PTK7: variants seen among roughly 807,000 people sequenced by gnomAD.
PTK7 encodes the protein protein tyrosine kinase 7 (inactive), also known as inactive tyrosine-protein kinase 7.
In PTK7, 39 loss-of-function variants were observed where a neutral mutation model predicts 116.6. The observed-to-expected ratio is 0.33, with a 90% CI of 0.26 to 0.44. The LOEUF (loss-of-function observed/expected upper bound fraction) is 0.44, where lower values mean the gene tolerates loss of function less well. Among genes scored for constraint, PTK7 ranks in the 20% least tolerant of loss-of-function variants. The pLI is 1.00. For synonymous variants in PTK7, 546 were observed against 563.6 expected (o/e 0.97, Z 0.44); for missense variants, 1,169 against 1,425.6 (o/e 0.82, Z 2.90).
At position 43,143,257 on chromosome 6, in the gene PTK7, G is replaced by A; in HGVS notation, c.2048-160G>A. On this transcript the variant is annotated intron_variant, in intron 13 of 19. Coordinates refer to ENST00000230419, the MANE Select transcript of PTK7 (RefSeq NM_002821.5). This position sits in a 1 kb window ranked among gnomAD's most constrained non-coding sequence, Gnocchi z 4.2. ...AGAGTCTTCGTTTGACCTTGGTGGGGCATGAGGACCTGCTGGCCCTTGTTA... is the reference window on the plus strand; with the variant it reads ...AGAGTCTTCGTTTGACCTTGGTGGGACATGAGGACCTGCTGGCCCTTGTTA... The A allele has an allele frequency of 1.5e-6, 1 of 651,762 alleles. No individual in the cohort carries two copies. The highest frequency in any genetic ancestry group is 2.6e-6 in the Non-Finnish European group (1 of 382,214). The allele number at this position is 651,762 out of a possible 1,614,324, so 40.4% of individuals were successfully genotyped here. A position where few individuals can be genotyped will look rare whatever the true frequency, so the allele number is the denominator to read the frequency against.
At chr6:43,158,312 A>AAAAAGT in intron 17 of PTK7, among the ~76,000 whole-genome samples, 1 of 151,942 alleles carries the variant, frequency 6.6e-6, no homozygotes, top group Non-Finnish European at 1.5e-5. Context: ...AGAAAAAAAA[A>AAAAAGT]AAAAGTAAGC....
intron 1 of PTK7, among the ~76,000 whole-genome samples, chr6:43,113,779 C>T (rs1459623524): frequency 7.2e-5 from 11 of 152,134 alleles, no homozygotes; most frequent in Admixed American, 4.6e-4. Flanking sequence ...AACAGTACGG[C>T]GCATTTATCT....
At chr6:43,122,783 T>G (rs1029134956) in intron 1 of PTK7, among the ~76,000 whole-genome samples, 8 of 152,038 alleles carry the variant, frequency 5.3e-5, no homozygotes. Context: ...ATTTTTGTAT[T>G]TTTAGTAGAT....
intron 1 of PTK7, among the ~76,000 whole-genome samples, chr6:43,106,583 G>A (rs1349480470): frequency 2.0e-5 from 3 of 150,862 alleles, no homozygotes; most frequent in East Asian, 2.0e-4. Flanking sequence ...GCAGGCATGA[G>A]CCACCACACC....
In PTK7 at chr6:43,156,175, G is replaced by A. The variant is rs545234978; in HGVS notation, c.2722-2642G>A. ...ACTTGGGAGGCAGAGGTTGCAGTGAGCTGAGGTCATGCCACTGTACTCCAG... is the reference window on the plus strand; with the variant it reads ...ACTTGGGAGGCAGAGGTTGCAGTGAACTGAGGTCATGCCACTGTACTCCAG... On this transcript the variant is annotated intron_variant, in intron 17 of 19. Coordinates refer to ENST00000230419, the MANE Select transcript of PTK7 (RefSeq NM_002821.5). 2.6e-3 allele frequency among the ~76,000 whole-genome samples: 369 copies of A among 140,034 alleles called. 2 individuals carry two copies. Among genetic ancestry groups the A allele is most frequent in the Middle Eastern group, 4.8e-3 (1 of 208 alleles). The allele number at this position is 140,034 out of a possible 152,430, so 91.9% of individuals were successfully genotyped here.
At position 43,161,050 on chromosome 6, in the gene PTK7, C is replaced by G. The variant is rs1337891806; in HGVS notation, c.*169C>G. 9.8e-7 allele frequency: 1 copy of G among 1,019,340 alleles called. No individual in the cohort carries two copies. The highest frequency in any genetic ancestry group is 2.9e-5 in the Admixed American group (1 of 34,202). The allele number at this position is 1,019,340 out of a possible 1,614,324, so 63.1% of individuals were successfully genotyped here. On this transcript the variant is annotated 3_prime_UTR_variant, in exon 20 of 20. Coordinates refer to ENST00000230419, the MANE Select transcript of PTK7 (RefSeq NM_002821.5). ...CTGGCCTTTCCTCCTCTTCCTCACC[C>G]TCATCCTTTGGGAGGCTGACTTGGA...
At chr6:43,100,760 G>T (rs1054964378) in intron 1 of PTK7, among the ~76,000 whole-genome samples, 2 of 152,136 alleles carry the variant, frequency 1.3e-5, no homozygotes, top group African/African-American at 4.8e-5. Context: ...GTGGTTACCA[G>T]AGAACTACCA....
In PTK7 at chr6:43,148,549, G is replaced by A. The variant is rs116662604; in HGVS notation, c.2721+1851G>A. On this transcript the variant is annotated intron_variant, in intron 17 of 19. Transcript: ENST00000230419. ...TCAAGAGTCAGGGGAGTCAAGGTGG[G>A]ATTCTCTGGCTGGGATGAGACATAG... Among the ~76,000 whole-genome samples, 717 of 152,272 alleles carry A rather than the reference G, an allele frequency of 4.7e-3. 4 individuals carry two copies. Among genetic ancestry groups the A allele is most frequent in the Middle Eastern group, 0.024 (7 of 294 alleles).
chr6:43,108,318 C>T (rs1178225874), intron 1 of PTK7, among the ~76,000 whole-genome samples: 1 of 151,350 alleles, frequency 6.6e-6, no homozygotes, highest in Non-Finnish European at 1.5e-5. Flanking sequence ...TGGTCACAAA[C>T]TTCTGACCTC....
chr6:43,157,243 C>T (rs1240953356), intron 17 of PTK7, among the ~76,000 whole-genome samples: 1 of 142,572 alleles, frequency 7.0e-6, no homozygotes, highest in African/African-American at 2.6e-5. Flanking sequence ...CCTCCAGTTC[C>T]GTTCCTTGGA....
chr6:43,144,874 C>T (rs1207396947), intron 15 of PTK7: 1 of 422,880 alleles, frequency 2.4e-6, no homozygotes, highest in Non-Finnish European at 4.1e-6. Context: ...AACTAAGTTA[C>T]CATTGTTCTA....
chr6:43,123,811 G>T (rs1017568118), intron 1 of PTK7, among the ~76,000 whole-genome samples: 14 of 152,182 alleles, frequency 9.2e-5, no homozygotes, highest in African/African-American at 3.1e-4. Context: ...GCCCGGTACG[G>T]CAGGCTCATA....
In PTK7 at chr6:43,160,862, C is replaced by A. The variant is rs764212674; in HGVS notation, c.3194C>A (p.Thr1065Asn). The change falls in exon 20 of 20, where the codon ACC becomes AAC. Residue 1065 changes from threonine to asparagine, a missense_variant. Transcript: ENST00000230419. ...ATTGCCAGCGCCCTGGGAGACAGCA[C>A]CGTGGACAGCAAGCCGTGAGGAGGG... ...SEIASALGDS[T>N]VDSKP 1 of 1,614,026 alleles carries A rather than the reference C, an allele frequency of 6.2e-7. No homozygotes were observed. The highest frequency in any genetic ancestry group is 8.5e-7 in the Non-Finnish European group (1 of 1,180,018).
In PTK7 at chr6:43,121,655, G is replaced by C. The variant is rs1296439054; in HGVS notation, c.80-7322G>C. The stretch of plus-strand genomic sequence containing the variant: ...TATGCTCTGGGCTCACCATCAGACA[G>C]TCTGGGTTGCTTGCACTGAAACCAC... On this transcript the variant is annotated intron_variant, in intron 1 of 19. Coordinates refer to ENST00000230419, the MANE Select transcript of PTK7 (RefSeq NM_002821.5). 2.0e-5 allele frequency among the ~76,000 whole-genome samples: 3 copies of C among 152,228 alleles called. 1 individual carries two copies. Among genetic ancestry groups the C allele is most frequent in the South Asian group, 4.1e-4 (2 of 4,836 alleles).
chr6:43,130,729 C>T (rs1267235461), intron 5 of PTK7, 68 bp downstream of exon 5: 14 of 1,547,664 alleles, frequency 9.0e-6, no homozygotes, highest in Admixed American at 5.1e-5. Flanking sequence ...GAAGGGGGTG[C>T]GATTTGTATC....
At chr6:43,156,088 G>A (rs1216615972) in intron 17 of PTK7, among the ~76,000 whole-genome samples, 2 of 151,758 alleles carry the variant, frequency 1.3e-5, no homozygotes, top group African/African-American at 2.4e-5. Context: ...AATTAGCTGG[G>A]TGTCATGGTG....
chr6:43,078,263 G>A (rs1582041795), intron 1 of PTK7, among the ~76,000 whole-genome samples: 1 of 151,770 alleles, frequency 6.6e-6, no homozygotes, highest in East Asian at 1.9e-4. Context: ...GTGTGTGTGC[G>A]CGCGTGTGTG....
At chr6:43,079,821 G>A (rs1766267012) in intron 1 of PTK7, among the ~76,000 whole-genome samples, 1 of 151,730 alleles carries the variant, frequency 6.6e-6, no homozygotes, top group Non-Finnish European at 1.5e-5. Context: ...CACTTTGGGA[G>A]GCAGAGGGAG....
intron 1 of PTK7, among the ~76,000 whole-genome samples, chr6:43,085,646 C>T (rs1766607456): frequency 6.6e-6 from 1 of 151,776 alleles, no homozygotes; most frequent in African/African-American, 2.4e-5. Flanking sequence ...ATGGTTTTCT[C>T]ATTTGGGCTG....
Sources: allele counts gnomAD v4.1 joint callset (sites outside exome capture counted in the v4.1 genomes callset), GRCh38; gene constraint gnomAD v4.1.1; non-coding constraint Gnocchi (gnomAD v3.1); transcripts MANE v1.5; gene names NCBI Gene and HGNC (gene_info 2026-07-23, HGNC 2026-07-21).